Variants in THSD4 observed in about 807,000 individuals in gnomAD.
THSD4 encodes thrombospondin type-1 domain-containing protein 4.
Under a neutral mutation model 119.0 loss-of-function variants are expected in THSD4, and 69 were observed. That is an observed-to-expected ratio of 0.58 (90% CI 0.48 to 0.71). The LOEUF is 0.71. Among genes scored for constraint, THSD4 ranks in the 30% least tolerant of loss-of-function variants. The pLI is 0.00. For missense variants in THSD4, 1,393 were observed against 1,391.1 expected, an observed-to-expected ratio of 1.00 and a Z score of -0.02; for synonymous variants, 524 against 540.4, an observed-to-expected ratio of 0.97 and a Z score of 0.42.
At chr15:71,634,482 C>T (rs1270058002) in intron 7 of THSD4, among the ~76,000 whole-genome samples, 2 of 152,204 alleles carry the variant, frequency 1.3e-5, no homozygotes, top group Non-Finnish European at 2.9e-5. Context: ...TAGGTAAGCA[C>T]AAGCACATCT....
intron 7 of THSD4, among the ~76,000 whole-genome samples, chr15:71,448,949 A>G (rs1242400122): frequency 6.6e-6 from 1 of 152,178 alleles, no homozygotes; most frequent in South Asian, 2.1e-4. Context: ...AAAACTGGGG[A>G]CTGGCTGTAA....
At chr15:71,552,256 C>A (rs1364429269) in intron 7 of THSD4, among the ~76,000 whole-genome samples, 2 of 152,184 alleles carry the variant, frequency 1.3e-5, no homozygotes, top group African/African-American at 4.8e-5. Flanking sequence ...AATTCTAGAT[C>A]TACAGTCTTA....
intron 7 of THSD4, among the ~76,000 whole-genome samples, chr15:71,657,915 G>A (rs1459315076): frequency 6.6e-6 from 1 of 152,174 alleles, no homozygotes; most frequent in Non-Finnish European, 1.5e-5. Context: ...GTGGTTATCT[G>A]AAGCTATCCA....
intron 6 of THSD4, among the ~76,000 whole-genome samples, chr15:71,399,867 C>A (rs8031773): frequency 0.23 from 35,674 of 152,044 alleles, 4,762 homozygotes; most frequent in East Asian, 0.55. Context: ...TTGAAAGCCA[C>A]TGAATCAGAG....
chr15:71,662,690 T>A (rs2051334772), intron 8 of THSD4, among the ~76,000 whole-genome samples: 1 of 152,202 alleles, frequency 6.6e-6, no homozygotes, highest in Admixed American at 6.5e-5. Flanking sequence ...ATCTACTGGA[T>A]GTCTGAATGG....
At position 71,313,556 on chromosome 15, in the gene THSD4, G is replaced by A. The variant is rs113982925; in HGVS notation, c.1015+56841G>A. ...TGCTGGGCTTAATACCTAGGTGATGGGTTGATAGGTGCAGCAAACCACCAT... is the reference window on the plus strand; with the variant it reads ...TGCTGGGCTTAATACCTAGGTGATGAGTTGATAGGTGCAGCAAACCACCAT... On this transcript the variant is annotated intron_variant, in intron 6 of 17. Transcript: ENST00000261862. 8.2e-3 allele frequency among the ~76,000 whole-genome samples: 1,254 copies of A among 152,240 alleles called. 17 individuals carry two copies. Among genetic ancestry groups the A allele is most frequent in the African/African-American group, 0.027 (1,125 of 41,524 alleles).
chr15:71,254,220 G>A (rs1240422895), intron 5 of THSD4, among the ~76,000 whole-genome samples: 1 of 152,236 alleles, frequency 6.6e-6, no homozygotes, highest in African/African-American at 2.4e-5. Context: ...CGGCCCGGCA[G>A]CCGATCTCTA....
rs114891280 is a variant in THSD4, at chr15:71,416,175, A to G, written c.1152+4352A>G. 4.2e-3 allele frequency among the ~76,000 whole-genome samples: 634 copies of G among 152,350 alleles called. 1 individual carries two copies. Among genetic ancestry groups the G allele is most frequent in the African/African-American group, 0.014 (584 of 41,584 alleles). The stretch of plus-strand genomic sequence containing the variant: ...TTCCATCTATGCTGTTGCAAATGAC[A>G]GGATCTCATTCTTCTTTGTGTCTAA... On this transcript the variant is annotated intron_variant, in intron 7 of 17. Coordinates refer to ENST00000261862, the MANE Select transcript of THSD4 (RefSeq NM_024817.3).
At chr15:71,589,234 G>GATCTGT (rs2049749594) in intron 7 of THSD4, among the ~76,000 whole-genome samples, 2 of 141,334 alleles carry the variant, frequency 1.4e-5, no homozygotes, top group Admixed American at 7.1e-5. Flanking sequence ...ATATATTAAA[G>GATCTGT]GACATAGGAT....
At chr15:71,661,401 A>T (rs12101664) in intron 8 of THSD4, among the ~76,000 whole-genome samples, 57,102 of 148,882 alleles carry the variant, frequency 0.38, 11,221 homozygotes, top group East Asian at 0.71. Flanking sequence ...TTATTTATTT[A>T]TTTTTTTTTT....
At chr15:71,614,166 C>G (rs1036349761) in intron 7 of THSD4, among the ~76,000 whole-genome samples, 1 of 152,142 alleles carries the variant, frequency 6.6e-6, no homozygotes, top group Non-Finnish European at 1.5e-5. Flanking sequence ...ACACTTCTTC[C>G]CAAAAGTAGA....
chr15:71,416,189 C>G (rs577806041), intron 7 of THSD4, among the ~76,000 whole-genome samples: 15 of 152,206 alleles, frequency 9.9e-5, no homozygotes, highest in Non-Finnish European at 2.2e-4. Flanking sequence ...TCTCATTCTT[C>G]TTTGTGTCTA....
intron 7 of THSD4, among the ~76,000 whole-genome samples, chr15:71,514,440 TTTTATCATCATA>T (rs1188604744): frequency 6.6e-6 from 1 of 152,190 alleles, no homozygotes; most frequent in Non-Finnish European, 1.5e-5. Context: ...CAAATGGGAT[TTTTATCATCATA>T]GTCCCACCTC....
At chr15:71,582,181 T>C (rs2049572513) in intron 7 of THSD4, among the ~76,000 whole-genome samples, 1 of 152,194 alleles carries the variant, frequency 6.6e-6, no homozygotes, top group Admixed American at 6.5e-5. Context: ...CTTCAATGTT[T>C]TATAGTTTTC....
At chr15:71,427,197 A>G (rs35497295) in intron 7 of THSD4, among the ~76,000 whole-genome samples, 1 of 144,024 alleles carries the variant, frequency 6.9e-6, no homozygotes, top group Non-Finnish European at 1.6e-5. Context: ...AACCTAAATT[A>G]TACACATAAT....
intron 11 of THSD4, among the ~76,000 whole-genome samples, chr15:71,740,127 TAATA>T (rs2053207196): frequency 6.6e-6 from 1 of 152,308 alleles, no homozygotes; most frequent in East Asian, 1.9e-4. Flanking sequence ...TGCTTATACT[TAATA>T]AATGTGCAAA....
chr15:71,491,345 AACT>A (rs1340070482), intron 7 of THSD4, among the ~76,000 whole-genome samples: 2 of 152,214 alleles, frequency 1.3e-5, no homozygotes, highest in African/African-American at 4.8e-5. Flanking sequence ...TGGGATATCC[AACT>A]ACGGTATTTG....
rs1331902315 is a variant in THSD4, at chr15:71,608,247, T to TAC, written c.1153-52282_1153-52281insCA. Among the ~76,000 whole-genome samples the TAC allele has an allele frequency of 1.3e-3, 94 of 71,700 alleles. 4 individuals are homozygous for TAC. The South Asian group carries it at 0.045, about 34-fold the overall frequency. The allele number at this position is 71,700 out of a possible 152,430, so 47.0% of individuals were successfully genotyped here. ...CAAAAAAAAAAAAAAAATATATATATATACACACACACACACACACACACA... is the reference window on the plus strand; with the variant it reads ...CAAAAAAAAAAAAAAAATATATATATACATACACACACACACACACACACACA... On this transcript the variant is annotated intron_variant, in intron 7 of 17. Coordinates refer to ENST00000261862, the MANE Select transcript of THSD4 (RefSeq NM_024817.3).
intron 8 of THSD4, among the ~76,000 whole-genome samples, chr15:71,669,312 A>C (rs1567091737): frequency 6.6e-6 from 1 of 152,220 alleles, no homozygotes; most frequent in South Asian, 2.1e-4. Context: ...ACTCATATAC[A>C]TAATCAGTAA....
Sources: allele counts gnomAD v4.1 joint callset (sites outside exome capture counted in the v4.1 genomes callset), GRCh38; gene constraint gnomAD v4.1.1; transcripts MANE v1.5; gene names NCBI Gene and HGNC (gene_info 2026-07-23, HGNC 2026-07-21).